The following RORA variants were observed in gnomAD, a reference collection of about 807,000 sequenced individuals.
The protein encoded by RORA is nuclear receptor ROR-alpha.
A neutral mutation model predicts 69.5 loss-of-function variants in RORA; 7 were observed. The ratio of observed to expected loss-of-function variants is 0.10; its 90% confidence interval spans 0.06 to 0.19. RORA has a LOEUF of 0.19. Among genes scored for constraint, RORA ranks in the 10% least tolerant of loss-of-function variants. The pLI, the probability that RORA is intolerant of heterozygous loss-of-function variation, is 1.00. For synonymous variants in RORA, 261 were observed against 240.8 expected (o/e 1.08, Z -0.78); for missense variants, 457 against 663.0 (o/e 0.69, Z 3.41).
chr15:61,177,994 G>C (rs1211405029), intron 1 of RORA, among the ~76,000 whole-genome samples: 1 of 151,574 alleles, frequency 6.6e-6, no homozygotes, highest in East Asian at 1.9e-4. Context: ...AAAAAGAAAG[G>C]AGAAAAAGAA....
chr15:61,017,498 C>A lies in RORA; in HGVS notation c.166+211555G>T, dbSNP rs369302763. Among the ~76,000 whole-genome samples the A allele has an allele frequency of 3.9e-5, 6 of 152,182 alleles. No individual in the cohort carries two copies. In the South Asian group the frequency reaches 8.3e-4, roughly 21 times the overall value. On this transcript the variant is annotated intron_variant, in intron 1 of 10. Coordinates refer to ENST00000335670, the MANE Select transcript of RORA (RefSeq NM_134261.3). ...AAGAACACAAATTGAGTCTAGAAAT[C>A]CCAGTTTGCAAGCTTAAAAAAAAGA...
chr15:60,887,164 G>C (rs2073760829), intron 1 of RORA, among the ~76,000 whole-genome samples: 2 of 151,252 alleles, frequency 1.3e-5, no homozygotes, highest in South Asian at 4.2e-4. Flanking sequence ...GAGAGAGAGA[G>C]AGAGAAAGAG....
intron 1 of RORA, among the ~76,000 whole-genome samples, chr15:61,215,175 G>C (rs1026772839): frequency 6.6e-6 from 1 of 151,402 alleles, no homozygotes; most frequent in African/African-American, 2.4e-5. Flanking sequence ...GAGCCACCGC[G>C]CCTGGCCCTT....
intron 1 of RORA, among the ~76,000 whole-genome samples, chr15:60,684,695 G>C (rs996165208): frequency 6.6e-6 from 1 of 152,142 alleles, no homozygotes; most frequent in African/African-American, 2.4e-5. Context: ...TTTTTACTTT[G>C]CAAGTGAATG....
At chr15:60,919,264 T>C (rs1891969417) in intron 1 of RORA, among the ~76,000 whole-genome samples, 1 of 152,148 alleles carries the variant, frequency 6.6e-6, no homozygotes, top group South Asian at 2.1e-4. Flanking sequence ...GCCTGGCATA[T>C]GAAGAATAAG....
chr15:61,201,150 A>G (rs912794455), intron 1 of RORA, among the ~76,000 whole-genome samples: 18 of 152,220 alleles, frequency 1.2e-4, no homozygotes, highest in African/African-American at 4.3e-4. Flanking sequence ...AACCCAAAGA[A>G]TGGGTAGCTA....
intron 1 of RORA, among the ~76,000 whole-genome samples, chr15:60,726,090 C>T (rs2071353387): frequency 6.6e-6 from 1 of 152,060 alleles, no homozygotes; most frequent in Non-Finnish European, 1.5e-5. Flanking sequence ...ATAATGCTGC[C>T]TCCCCTTCTA....
chr15:60,802,264 G>A (rs2072593648), intron 1 of RORA, among the ~76,000 whole-genome samples: 1 of 152,236 alleles, frequency 6.6e-6, no homozygotes, highest in Non-Finnish European at 1.5e-5. Flanking sequence ...TATGTGAATA[G>A]CAATTCCCAA....
At chr15:60,780,813 C>T (rs564592562) in intron 1 of RORA, among the ~76,000 whole-genome samples, 29 of 152,280 alleles carry the variant, frequency 1.9e-4, no homozygotes, top group Middle Eastern at 3.4e-3. Context: ...GAGGCAGACA[C>T]GGTCCCTACA....
intron 1 of RORA, among the ~76,000 whole-genome samples, chr15:61,083,863 A>G (rs2078582649): frequency 6.6e-6 from 1 of 152,070 alleles, no homozygotes; most frequent in Admixed American, 6.5e-5. Flanking sequence ...AGAACATAAA[A>G]GGAGGGGAAA....
intron 1 of RORA, among the ~76,000 whole-genome samples, chr15:60,827,410 T>A (rs942794217): frequency 6.6e-6 from 1 of 152,192 alleles, no homozygotes; most frequent in Non-Finnish European, 1.5e-5. Flanking sequence ...CAAAATGAAC[T>A]CATTTGTTTA....
At chr15:60,626,483 G>C (rs999512604) in intron 2 of RORA, among the ~76,000 whole-genome samples, 1 of 152,110 alleles carries the variant, frequency 6.6e-6, no homozygotes, top group African/African-American at 2.4e-5. Flanking sequence ...GAGTAGCCGC[G>C]TTCTCATGGA....
Position 60,620,597 on chromosome 15 carries a change from A to G in RORA, c.196+58060T>C, listed in dbSNP as rs1260209083. On this transcript the variant is annotated intron_variant, in intron 2 of 10. Transcript: ENST00000335670. ...TCTGTTTTGTGACACTTGCACCAGCATGGACCTGGGAGGGAGCAGCAGCTG... is the reference window on the plus strand; with the variant it reads ...TCTGTTTTGTGACACTTGCACCAGCGTGGACCTGGGAGGGAGCAGCAGCTG... 5.3e-5 allele frequency among the ~76,000 whole-genome samples: 8 copies of G among 152,218 alleles called. 1 individual carries two copies. The highest frequency in any genetic ancestry group is 1.0e-4 in the Non-Finnish European group (7 of 68,042).
At chr15:60,816,107 T>C (rs1595737019) in intron 1 of RORA, among the ~76,000 whole-genome samples, 1 of 135,574 alleles carries the variant, frequency 7.4e-6, no homozygotes, top group African/African-American at 2.8e-5. Flanking sequence ...TATATGTATT[T>C]ATATACTGTA....
intron 1 of RORA, among the ~76,000 whole-genome samples, chr15:60,770,193 CAAATGTTCAAA>C (rs2072052829): frequency 6.6e-6 from 1 of 152,028 alleles, no homozygotes; most frequent in South Asian, 2.1e-4. Context: ...CTAAAAACTA[CAAATGTTCAAA>C]AAAGATATTC....
intron 1 of RORA, among the ~76,000 whole-genome samples, chr15:61,036,845 G>A (rs1176194935): frequency 6.7e-6 from 1 of 149,040 alleles, no homozygotes; most frequent in Admixed American, 6.7e-5. Flanking sequence ...AGAAAACAAA[G>A]CAGCATCAAA....
intron 1 of RORA, among the ~76,000 whole-genome samples, chr15:60,975,417 C>A (rs1307699841): frequency 6.6e-6 from 1 of 152,140 alleles, no homozygotes; most frequent in African/African-American, 2.4e-5. Context: ...AGGCATCTTC[C>A]TGGATTTGTC....
chr15:60,808,537 T>C (rs1020731431), intron 1 of RORA, among the ~76,000 whole-genome samples: 2 of 152,044 alleles, frequency 1.3e-5, no homozygotes, highest in African/African-American at 4.8e-5. Context: ...GATCTACCAT[T>C]TGATCCAGCA....
chr15:60,650,370 C>T (rs770625813), intron 2 of RORA, among the ~76,000 whole-genome samples: 3 of 152,166 alleles, frequency 2.0e-5, no homozygotes, highest in Non-Finnish European at 2.9e-5. Flanking sequence ...TTTTATGCCT[C>T]GACCTCAGGA....
Sources: gnomAD v4.1 joint callset for allele counts (sites outside exome capture counted in the v4.1 genomes callset) on GRCh38, gnomAD v4.1.1 for gene constraint, MANE v1.5 for transcripts, NCBI Gene and HGNC (gene_info 2026-07-23, HGNC 2026-07-21) for gene names.